Variants in FSHR observed in about 807,000 individuals in gnomAD.
The protein encoded by FSHR is follicle stimulating hormone receptor.
A neutral mutation model predicts 52.1 loss-of-function variants in FSHR; 46 were observed. The ratio of observed to expected loss-of-function variants is 0.88; its 90% CI spans 0.70 to 1.13. The LOEUF (loss-of-function observed/expected upper bound fraction) is 1.13, where lower values mean the gene tolerates loss of function less well. FSHR is among the 50% of genes most tolerant of loss of function. FSHR has a pLI of 0.00. For synonymous variants in FSHR, 399 were observed against 309.6 expected (o/e 1.29, Z -3.03); for missense variants, 964 against 834.6 (o/e 1.16, Z -1.91).
chr2:48,987,810 C>T (rs1331330016), intron 6 of FSHR, among the ~76,000 whole-genome samples: 2 of 145,392 alleles, frequency 1.4e-5, no homozygotes, highest in South Asian at 2.2e-4. Context: ...TCTTTCTTAC[C>T]CTTTCTGCAC....
At chr2:49,024,121 C>T (rs17038059) in intron 2 of FSHR, among the ~76,000 whole-genome samples, 38,940 of 151,994 alleles carry the variant, frequency 0.26, 5,733 homozygotes, top group East Asian at 0.47. Flanking sequence ...TTGTTACTGA[C>T]TTATTGGATA....
intron 1 of FSHR, among the ~76,000 whole-genome samples, chr2:49,104,926 G>C (rs1294367515): frequency 6.6e-6 from 1 of 152,098 alleles, no homozygotes; most frequent in Non-Finnish European, 1.5e-5. Flanking sequence ...AAACTTTTGA[G>C]GGCATGTAGA....
chr2:49,021,490 C>T (rs760343394), intron 2 of FSHR, among the ~76,000 whole-genome samples: 11 of 152,038 alleles, frequency 7.2e-5, no homozygotes, highest in Non-Finnish European at 1.2e-4. Context: ...GTCTGCTGGC[C>T]TAGGATTTAG....
intron 8 of FSHR, among the ~76,000 whole-genome samples, chr2:48,969,479 A>G (rs1027824864): frequency 1.3e-5 from 2 of 152,178 alleles, no homozygotes; most frequent in Non-Finnish European, 1.5e-5. Flanking sequence ...CCCTCTCCCT[A>G]TTAGATTTAT....
At chr2:49,141,694 T>A (rs2103838473) in intron 1 of FSHR, among the ~76,000 whole-genome samples, 1 of 152,318 alleles carries the variant, frequency 6.6e-6, no homozygotes, top group South Asian at 2.1e-4. Flanking sequence ...TTCAGCTTAC[T>A]ATATATGGGA....
intron 2 of FSHR, among the ~76,000 whole-genome samples, chr2:49,062,183 G>A (rs919902368): frequency 3.9e-5 from 6 of 151,994 alleles, no homozygotes; most frequent in Non-Finnish European, 8.8e-5. Flanking sequence ...ATACTACAAA[G>A]CTATAGTAAT....
intron 2 of FSHR, among the ~76,000 whole-genome samples, chr2:49,024,073 C>A (rs1032359646): frequency 2.0e-5 from 3 of 152,102 alleles, no homozygotes; most frequent in African/African-American, 7.2e-5. Context: ...AACTGATACT[C>A]ATTTGACAAG....
intron 2 of FSHR, among the ~76,000 whole-genome samples, chr2:49,029,691 T>C (rs374643506): frequency 6.6e-6 from 1 of 152,220 alleles, no homozygotes; most frequent in East Asian, 1.9e-4. Context: ...GCAAAGGTCG[T>C]GCTGCTTACT....
At chr2:49,076,554 C>T (rs1231798006) in intron 1 of FSHR, among the ~76,000 whole-genome samples, 1 of 152,074 alleles carries the variant, frequency 6.6e-6, no homozygotes, top group Admixed American at 6.6e-5. Context: ...CTGGCCCCTC[C>T]CAAATCTCAT....
Position 49,102,425 on chromosome 2 carries a change from A to G in FSHR, c.153-34135T>C, listed in dbSNP as rs147804826. Among the ~76,000 whole-genome samples, 697 of 152,276 alleles carry G rather than the reference A, an allele frequency of 4.6e-3. 3 individuals are homozygous for G. Among genetic ancestry groups the G allele is most frequent in the African/African-American group, 0.015 (643 of 41,560 alleles). ...GAGGCATGTGACAGCCTGGAAGACAACTAAGACACTATGGGGTTGGAGTTC... is the reference window on the plus strand; with the variant it reads ...GAGGCATGTGACAGCCTGGAAGACAGCTAAGACACTATGGGGTTGGAGTTC... On this transcript the variant is annotated intron_variant, in intron 1 of 9. Coordinates refer to ENST00000406846, the MANE Select transcript of FSHR (RefSeq NM_000145.4).
At chr2:49,053,566 C>T (rs11894971) in intron 2 of FSHR, among the ~76,000 whole-genome samples, 18,926 of 151,832 alleles carry the variant, frequency 0.12, 2,028 homozygotes, top group African/African-American at 0.27. Context: ...TTTCTTTTTT[C>T]CCCCCACAAA....
chr2:49,105,775 A>T (rs1671199503), intron 1 of FSHR, among the ~76,000 whole-genome samples: 1 of 152,116 alleles, frequency 6.6e-6, no homozygotes, highest in Non-Finnish European at 1.5e-5. Flanking sequence ...AGACAAACAA[A>T]GCTTTAGGAA....
intron 1 of FSHR, among the ~76,000 whole-genome samples, chr2:49,122,849 G>A (rs189851092): frequency 3.3e-5 from 5 of 152,230 alleles, no homozygotes; most frequent in African/African-American, 1.2e-4. Flanking sequence ...CTCTGTCTTT[G>A]GGAAGGTCAT....
In FSHR at chr2:48,963,023, G is replaced by T; in HGVS notation, c.1798C>A (p.Pro600Thr). 6.2e-7 allele frequency: 1 copy of T among 1,614,100 alleles called. No homozygotes were observed. Among genetic ancestry groups the T allele is most frequent in the Non-Finnish European group, 8.5e-7 (1 of 1,179,992 alleles). Residue 600 changes from proline to threonine, a missense_variant, in exon 10 of 10, where the codon CCC becomes ACC. Transcript: ENST00000406846. ...TTTGCTTTGGACACAGTGATGAGGGGCACCTTGAGGGAGGCAGAAATGGCA... is the reference window on the plus strand; with the variant it reads ...TTTGCTTTGGACACAGTGATGAGGGTCACCTTGAGGGAGGCAGAAATGGCA... ...FFAISASLKV[P>T]LITVSKAKIL...
intron 2 of FSHR, among the ~76,000 whole-genome samples, chr2:49,042,242 C>G (rs1038144769): frequency 6.6e-6 from 1 of 152,110 alleles, no homozygotes; most frequent in Non-Finnish European, 1.5e-5. Flanking sequence ...CAATTTTTTT[C>G]CCCCGAGTGA....
At chr2:49,058,778 A>G (rs984524184) in intron 2 of FSHR, among the ~76,000 whole-genome samples, 1 of 152,248 alleles carries the variant, frequency 6.6e-6, no homozygotes, top group Non-Finnish European at 1.5e-5. Flanking sequence ...GAAAACCACA[A>G]AACACTAATG....
chr2:48,978,835 A>T (rs999034467), intron 8 of FSHR, among the ~76,000 whole-genome samples: 6 of 152,178 alleles, frequency 3.9e-5, no homozygotes, highest in African/African-American at 1.4e-4. Flanking sequence ...GAGGCTCCCT[A>T]TTCTTCCCTC....
intron 4 of FSHR, chr2:49,014,754 T>A (rs1014951960): frequency 6.9e-6 from 2 of 288,282 alleles, no homozygotes; most frequent in Non-Finnish European, 7.1e-6. Flanking sequence ...GGGATATCTA[T>A]GTGAAGAGCT....
At chr2:49,110,163 G>A (rs7596503) in intron 1 of FSHR, among the ~76,000 whole-genome samples, 32,950 of 152,022 alleles carry the variant, frequency 0.22, 4,302 homozygotes, top group East Asian at 0.47. Flanking sequence ...ACATTAACAT[G>A]GTGCTTCCTA....
Sources: gnomAD v4.1 joint callset for allele counts (sites outside exome capture counted in the v4.1 genomes callset) on GRCh38, gnomAD v4.1.1 for gene constraint, MANE v1.5 for transcripts, NCBI Gene and HGNC (gene_info 2026-07-23, HGNC 2026-07-21) for gene names.